Variants in CCAR1 observed in about 807,000 individuals in gnomAD.
The protein encoded by CCAR1 is cell division cycle and apoptosis regulator protein 1.
A neutral mutation model predicts 163.8 loss-of-function variants in CCAR1; 78 were observed. The observed-to-expected ratio is 0.48, with a 90% CI of 0.40 to 0.57. The LOEUF (loss-of-function observed/expected upper bound fraction) is 0.57. Ranked by LOEUF, CCAR1 falls within the 20% of genes least tolerant of loss-of-function variation. The pLI is 0.00. For missense variants in CCAR1, 1,019 were observed against 1,365.2 expected (o/e 0.75, Z 4.00); for synonymous variants, 443 against 460.7 (o/e 0.96, Z 0.49).
chr10:68,740,476 C>A (rs1034228548), intron 4 of CCAR1, among the ~76,000 whole-genome samples, 153 bp from the exon 5 acceptor site: 1 of 152,010 alleles, frequency 6.6e-6, no homozygotes, highest in East Asian at 1.9e-4. Flanking sequence ...TTCAAGACTA[C>A]CCTGGGCAAC....
chr10:68,781,927 A>G (rs1564552260), intron 19 of CCAR1, among the ~76,000 whole-genome samples: 1 of 152,158 alleles, frequency 6.6e-6, no homozygotes, highest in African/African-American at 2.4e-5. Flanking sequence ...AAAATCGTTA[A>G]AGTGAGTGAA....
intron 16 of CCAR1, among the ~76,000 whole-genome samples, chr10:68,761,624 T>C (rs1006636126): frequency 6.7e-6 from 1 of 149,856 alleles, no homozygotes; most frequent in South Asian, 2.1e-4. Flanking sequence ...TTTTTTGAGA[T>C]GGAGTTTCGC....
Position 68,789,931 on chromosome 10 carries a change from CT to C in CCAR1, c.3393+20del. 6.8e-7 allele frequency: 1 copy of C among 1,478,322 alleles called. No homozygotes were observed. The highest frequency in any genetic ancestry group is 1.3e-5 in the South Asian group (1 of 76,716). The allele number at this position is 1,478,322 out of a possible 1,614,324, so 91.6% of individuals were successfully genotyped here. On this transcript the variant is annotated intron_variant, in intron 24 of 24. Transcript: ENST00000265872. Reference sequence around the variant, plus strand: ...TCTCAAGAAGGTGAGAAATTTTGTACTTTTAACATTTTCTTAGTTTTAAAAA... The same window carrying C: ...TCTCAAGAAGGTGAGAAATTTTGTACTTTAACATTTTCTTAGTTTTAAAAA...
In CCAR1 at chr10:68,773,025, A is replaced by G. The variant is rs890661667; in HGVS notation, c.2576A>G (p.Asp859Gly). Reference protein sequence around the residue: ...DKRKDDSKDDDETEEDNNQDE... With the variant: ...DKRKDDSKDDGETEEDNNQDE... ...AGAAAAGATGATTCTAAAGATGATGATGAAACTGAAGAAGATAACAATCAA... is the reference window on the plus strand; with the variant it reads ...AGAAAAGATGATTCTAAAGATGATGGTGAAACTGAAGAAGATAACAATCAA... Residue 859 changes from aspartate (D) to glycine (G), a missense_variant, in exon 19 of 25, where the codon GAT becomes GGT. By Grantham distance (94) the Asp-to-Gly change is moderately conservative. Coordinates refer to ENST00000265872, the MANE Select transcript of CCAR1 (RefSeq NM_018237.4). The G allele has an allele frequency of 6.5e-6, 10 of 1,541,374 alleles. No individual in the cohort carries two copies. The South Asian group carries it at 8.4e-5, about 13-fold the overall frequency.
At chr10:68,763,692 C>A (rs1021264137) in intron 16 of CCAR1, among the ~76,000 whole-genome samples, 1 of 152,194 alleles carries the variant, frequency 6.6e-6, no homozygotes, top group Non-Finnish European at 1.5e-5. Flanking sequence ...AGGTGATCTA[C>A]CCACCTTGGC....
chr10:68,722,671 T>C, intron 2 of CCAR1, 94 bp downstream of exon 2: 2 of 922,860 alleles, frequency 2.2e-6, no homozygotes, highest in South Asian at 1.4e-5. Context: ...ACGCCTGTTA[T>C]CCTAGCACTT....
At chr10:68,742,605 C>G (rs376765384) in intron 6 of CCAR1, 36 bp downstream of exon 6, 1 of 1,496,218 alleles carries the variant, frequency 6.7e-7, no homozygotes, top group South Asian at 1.2e-5. Flanking sequence ...TGGCTTCTTG[C>G]ATTTACCACA....
chr10:68,724,528 G>A (rs965788860), intron 2 of CCAR1, among the ~76,000 whole-genome samples: 1 of 151,994 alleles, frequency 6.6e-6, no homozygotes, highest in Non-Finnish European at 1.5e-5. Flanking sequence ...GGGCTCACGC[G>A]ATCCTCCCAT....
At chr10:68,738,291 G>A (rs184500453) in intron 4 of CCAR1, among the ~76,000 whole-genome samples, 48 of 152,286 alleles carry the variant, frequency 3.2e-4, no homozygotes, top group Non-Finnish European at 5.3e-4. Flanking sequence ...GCGCAGGCCT[G>A]TAATCCCAGC....
chr10:68,771,608 C>G (rs2056603183), intron 18 of CCAR1, among the ~76,000 whole-genome samples, 163 bp downstream of exon 18: 1 of 151,938 alleles, frequency 6.6e-6, no homozygotes, highest in South Asian at 2.1e-4. Flanking sequence ...ACAGTGAAAC[C>G]TCGTCTCCAC....
intron 19 of CCAR1, among the ~76,000 whole-genome samples, chr10:68,783,494 T>G (rs2056760947): frequency 6.6e-6 from 1 of 151,950 alleles, no homozygotes; most frequent in South Asian, 2.1e-4. Context: ...TTTCTGAAGT[T>G]CTAGGATCTG....
intron 24 of CCAR1, among the ~76,000 whole-genome samples, chr10:68,790,320 A>G (rs1589197737): frequency 1.3e-5 from 2 of 150,920 alleles, no homozygotes; most frequent in Non-Finnish European, 2.9e-5. Flanking sequence ...GCACCATTGC[A>G]CTCTAGCCTG....
intron 10 of CCAR1, among the ~76,000 whole-genome samples, chr10:68,750,875 G>T (rs1328267968): frequency 2.6e-5 from 4 of 152,144 alleles, no homozygotes; most frequent in Non-Finnish European, 2.9e-5. Context: ...AAAATTTCCA[G>T]ATATTCAGTT....
intron 15 of CCAR1, among the ~76,000 whole-genome samples, chr10:68,758,378 A>C (rs2056421674): frequency 6.6e-6 from 1 of 151,882 alleles, no homozygotes; most frequent in South Asian, 2.1e-4. Context: ...AAATTAAAAC[A>C]TAGATTGATA....
At chr10:68,773,179 A>G in intron 19 of CCAR1, 80 bp downstream of exon 19, 2 of 729,848 alleles carry the variant, frequency 2.7e-6, no homozygotes, top group East Asian at 3.1e-5. Context: ...ACTGAAATCT[A>G]TACTTTTAAC....
At chr10:68,769,316 T>TTGGTACATAAGGCCTTAATTGGTACATAA (rs1312416529) in intron 17 of CCAR1, among the ~76,000 whole-genome samples, 2 of 152,162 alleles carry the variant, frequency 1.3e-5, no homozygotes, top group Non-Finnish European at 2.9e-5. Context: ...CAATGGACTT[T>TTGGTACATAAGGCCTTAATTGGTACATAA]AGCCTTAGAA....
chr10:68,740,718 T>C, intron 5 of CCAR1, 57 bp downstream of exon 5: 2 of 1,314,820 alleles, frequency 1.5e-6, no homozygotes, highest in Non-Finnish European at 2.1e-6. Flanking sequence ...AGACTAAAGC[T>C]TTATTAGTAT....
rs368721550 is a variant in CCAR1 at position 68,753,857 on chromosome 10, G to T, written c.1124G>T (p.Ser375Ile). The T allele has an allele frequency of 1.4e-5, 23 of 1,611,634 alleles. No individual in the cohort carries two copies. Among genetic ancestry groups the T allele is most frequent in the African/African-American group, 8.0e-5 (6 of 74,810 alleles). ...TACTTATGTCTGTTTTTCAGTCCCA[G>T]TTGTGACATGATGGAACTAAGGCGC... Reference protein sequence around the residue: ...QFSKFSLDCPSCDMMELRRRY... With the variant: ...QFSKFSLDCPICDMMELRRRY... The change falls in exon 11 of 25, where the codon AGT becomes ATT. Residue 375 changes from serine to isoleucine, a missense_variant. By Grantham distance (142) the Ser-to-Ile change is moderately radical (BLOSUM62 -2). Coordinates refer to ENST00000265872, the MANE Select transcript of CCAR1 (RefSeq NM_018237.4).
intron 19 of CCAR1, among the ~76,000 whole-genome samples, chr10:68,779,442 A>G (rs2056708615): frequency 3.3e-5 from 5 of 151,774 alleles, no homozygotes; most frequent in Admixed American, 3.3e-4. Context: ...TATTTTTAGT[A>G]GAGACAGGGT....
Sources: gnomAD v4.1 joint callset for allele counts (sites outside exome capture counted in the v4.1 genomes callset) on GRCh38, gnomAD v4.1.1 for gene constraint, MANE v1.5 for transcripts, NCBI Gene and HGNC (gene_info 2026-07-23, HGNC 2026-07-21) for gene names.